GAS7: variants seen among roughly 807,000 people sequenced by gnomAD.
GAS7 encodes growth arrest specific 7, also known as growth arrest-specific protein 7.
GAS7 carries 28 observed loss-of-function variants against 71.1 expected under a neutral mutation model. The observed-to-expected ratio is 0.39, with a 90% CI of 0.29 to 0.54. The LOEUF (loss-of-function observed/expected upper bound fraction) is 0.54. Ranked by LOEUF, GAS7 falls within the 20% of genes least tolerant of loss-of-function variation. The probability of loss-of-function intolerance (pLI) is 0.62; values close to 1 mark genes in which losing one functional copy is unlikely to be tolerated. For missense variants in GAS7, 436 were observed against 627.8 expected (o/e 0.69, Z 3.27); for synonymous variants, 258 against 245.8 (o/e 1.05, Z -0.46).
chr17:10,120,284 G>A (rs1334943379), intron 1 of GAS7, among the ~76,000 whole-genome samples: 1 of 152,160 alleles, frequency 6.6e-6, no homozygotes, highest in East Asian at 1.9e-4. Context: ...AAATGCTTCC[G>A]CTCTCATCTT....
chr17:9,915,095 G>A lies in GAS7; in HGVS notation c.*2133C>T, dbSNP rs2067547220. 1 of 231,358 alleles carries A rather than the reference G, an allele frequency of 4.3e-6. No homozygotes were observed. Among genetic ancestry groups the A allele is most frequent in the Admixed American group, 5.6e-5 (1 of 17,702 alleles). 14.3% of individuals were successfully genotyped at this position (231,358 alleles called of 1,614,324 possible). On this transcript the variant is annotated 3_prime_UTR_variant, in exon 14 of 14. Coordinates refer to ENST00000432992, the MANE Select transcript of GAS7 (RefSeq NM_201433.2). ...GAAGGGGGTAAAGAGAAGGAGGTGA[G>A]GGGATGAGGGGGGAAAGAGTGACCT...
At chr17:10,085,211 T>C (rs1597782873) in intron 1 of GAS7, among the ~76,000 whole-genome samples, 1 of 152,096 alleles carries the variant, frequency 6.6e-6, no homozygotes, top group East Asian at 1.9e-4. Context: ...TTCTAATATT[T>C]ATAATCAAAG....
Position 10,072,252 on chromosome 17 carries a change from C to T in GAS7, c.184-52355G>A, listed in dbSNP as rs541233639. ...AGCGCTATTACCTGCCGGGCCCAGACACTATCTGCCCCGATACCTGGTTCA... is the reference window on the plus strand; with the variant it reads ...AGCGCTATTACCTGCCGGGCCCAGATACTATCTGCCCCGATACCTGGTTCA... On this transcript the variant is annotated intron_variant, in intron 1 of 13. Coordinates refer to ENST00000432992, the MANE Select transcript of GAS7 (RefSeq NM_201433.2). Among the ~76,000 whole-genome samples the T allele has an allele frequency of 1.1e-4, 17 of 152,310 alleles. No homozygotes were observed. In the South Asian group the frequency reaches 3.3e-3, roughly 30 times the overall value.
chr17:9,964,612 T>A (rs900566610), intron 4 of GAS7, among the ~76,000 whole-genome samples: 1 of 152,236 alleles, frequency 6.6e-6, no homozygotes, highest in Non-Finnish European at 1.5e-5. Flanking sequence ...CCCTTGCTCA[T>A]CATTCCAGTC....
intron 5 of GAS7, among the ~76,000 whole-genome samples, chr17:9,957,910 G>T (rs576422192): frequency 6.8e-4 from 103 of 152,304 alleles, no homozygotes; most frequent in Non-Finnish European, 1.3e-3. Context: ...TAAGGACATA[G>T]ATTTCAAATC....
chr17:10,090,892 G>C (rs1182588013), intron 1 of GAS7, among the ~76,000 whole-genome samples: 1 of 152,118 alleles, frequency 6.6e-6, no homozygotes, highest in African/African-American at 2.4e-5. Context: ...TGAACACTTC[G>C]ACATGCTGGA....
chr17:10,198,091 C>T (rs2074553968), intron 1 of GAS7, 117 bp downstream of exon 1: 2 of 951,762 alleles, frequency 2.1e-6, no homozygotes, highest in African/African-American at 1.7e-5. Context: ...GCAAGGGCTG[C>T]CCCCCGGGGC....
chr17:10,116,168 G>A lies in GAS7; in HGVS notation c.183+82040C>T, dbSNP rs142366156. Among the ~76,000 whole-genome samples the A allele has an allele frequency of 4.4e-3, 668 of 151,958 alleles. 10 individuals are homozygous for A. Among genetic ancestry groups the A allele is most frequent in the Admixed American group, 0.034 (515 of 15,266 alleles). On this transcript the variant is annotated intron_variant, in intron 1 of 13. Coordinates refer to ENST00000432992, the MANE Select transcript of GAS7 (RefSeq NM_201433.2). ...TCTACTAAAAGTACAAAAATTAGCCGAGTGTGGTGGCGTGTGCCTGTGGTC... is the reference window on the plus strand; with the variant it reads ...TCTACTAAAAGTACAAAAATTAGCCAAGTGTGGTGGCGTGTGCCTGTGGTC...
intron 1 of GAS7, among the ~76,000 whole-genome samples, chr17:10,143,790 C>T (rs7211216): frequency 0.84 from 127,192 of 152,220 alleles, 53,282 homozygotes; most frequent in Middle Eastern, 0.88. Flanking sequence ...TGCAAGAAAA[C>T]AGATTCTGTT....
At chr17:10,011,136 T>G (rs1210002174) in intron 2 of GAS7, among the ~76,000 whole-genome samples, 1 of 152,222 alleles carries the variant, frequency 6.6e-6, no homozygotes, top group African/African-American at 2.4e-5. Context: ...AAACAGATGT[T>G]CACCACAGCA....
At chr17:10,030,842 T>C (rs559630480) in intron 1 of GAS7, among the ~76,000 whole-genome samples, 1 of 152,288 alleles carries the variant, frequency 6.6e-6, no homozygotes, top group Admixed American at 6.5e-5. Context: ...AATATCCCAC[T>C]TGCTCACATC....
intron 8 of GAS7, among the ~76,000 whole-genome samples, chr17:9,938,232 C>T (rs945857503): frequency 1.6e-4 from 25 of 151,998 alleles, no homozygotes; most frequent in Non-Finnish European, 3.4e-4. Flanking sequence ...ATTGGCCAGG[C>T]GCGATGGATC....
At chr17:10,108,974 C>T (rs1326044618) in intron 1 of GAS7, among the ~76,000 whole-genome samples, 3 of 151,806 alleles carry the variant, frequency 2.0e-5, no homozygotes, top group East Asian at 1.9e-4. Flanking sequence ...ACAAATGGGC[C>T]CATATTAAAC....
chr17:10,071,393 C>T (rs577346449), intron 1 of GAS7, among the ~76,000 whole-genome samples: 1 of 152,176 alleles, frequency 6.6e-6, no homozygotes, highest in Admixed American at 6.5e-5. Context: ...ACTGGGGCCA[C>T]AAGAACAGAA....
chr17:9,979,692 G>A (rs1052761745), intron 3 of GAS7, among the ~76,000 whole-genome samples: 6 of 152,074 alleles, frequency 3.9e-5, no homozygotes, highest in African/African-American at 7.2e-5. Context: ...CACACGTGCT[G>A]TCTCTACACA....
intron 1 of GAS7, among the ~76,000 whole-genome samples, chr17:10,071,083 A>G (rs1267200250): frequency 6.6e-6 from 1 of 151,756 alleles, no homozygotes; most frequent in African/African-American, 2.4e-5. Context: ...AACTCAAAGG[A>G]GCCACCTGAC....
At chr17:10,093,853 G>A (rs1031551801) in intron 1 of GAS7, among the ~76,000 whole-genome samples, 5 of 151,862 alleles carry the variant, frequency 3.3e-5, no homozygotes, top group African/African-American at 1.2e-4. Flanking sequence ...ATTTCAATAC[G>A]TGTTATTGAA....
intron 1 of GAS7, among the ~76,000 whole-genome samples, chr17:10,074,929 A>G (rs1270980672): frequency 6.7e-6 from 1 of 149,530 alleles, no homozygotes; most frequent in Non-Finnish European, 1.5e-5. Flanking sequence ...AACTTATTAA[A>G]CTCACCATAT....
chr17:10,113,390 C>A (rs1396824355), intron 1 of GAS7, among the ~76,000 whole-genome samples: 1 of 152,184 alleles, frequency 6.6e-6, no homozygotes, highest in Non-Finnish European at 1.5e-5. Context: ...ACGAGGCTAT[C>A]CACAGCAGCA....
Sources: allele counts gnomAD v4.1 joint callset (sites outside exome capture counted in the v4.1 genomes callset), GRCh38; gene constraint gnomAD v4.1.1; transcripts MANE v1.5; gene names NCBI Gene and HGNC (gene_info 2026-07-23, HGNC 2026-07-21).